The following CRTC3 variants were observed in gnomAD, a reference collection of about 807,000 sequenced individuals.
CRTC3 encodes CREB-regulated transcription coactivator 3.
A neutral mutation model predicts 74.5 loss-of-function variants in CRTC3; 26 were observed. That is an observed-to-expected ratio of 0.35 (90% CI 0.26 to 0.48). CRTC3 has a LOEUF of 0.48. Among genes scored for constraint, CRTC3 ranks in the 20% least tolerant of loss-of-function variants. CRTC3 has a pLI of 0.99. For missense variants in CRTC3, 760 were observed against 787.3 expected (o/e 0.97, Z 0.41); for synonymous variants, 377 against 325.8 (o/e 1.16, Z -1.69).
At chr15:90,625,685 C>G (rs1968808377) in intron 9 of CRTC3, 91 bp from the exon 10 acceptor site, 1 of 1,193,520 alleles carries the variant, frequency 8.4e-7, no homozygotes, top group African/African-American at 1.5e-5. Flanking sequence ...AGCCACTGCT[C>G]TTATTTGACA....
intron 2 of CRTC3, among the ~76,000 whole-genome samples, chr15:90,562,431 C>T (rs1249825978): frequency 6.6e-6 from 1 of 152,128 alleles, no homozygotes; most frequent in Non-Finnish European, 1.5e-5. Flanking sequence ...TTATCTTTCT[C>T]GGGCCTTTGC....
chr15:90,541,691 A>G (rs1966803738), intron 2 of CRTC3, among the ~76,000 whole-genome samples: 1 of 151,954 alleles, frequency 6.6e-6, no homozygotes, highest in African/African-American at 2.4e-5. Flanking sequence ...TTTATTGTCA[A>G]CTTTAGAGGA....
intron 11 of CRTC3, chr15:90,634,696 C>G: frequency 1.5e-6 from 1 of 656,274 alleles, no homozygotes; most frequent in Non-Finnish European, 2.8e-6. Flanking sequence ...TACACTAGAG[C>G]GGAGTATGAG....
intron 9 of CRTC3, among the ~76,000 whole-genome samples, chr15:90,620,626 C>T (rs1165333589): frequency 6.6e-6 from 1 of 152,062 alleles, no homozygotes; most frequent in Non-Finnish European, 1.5e-5. Flanking sequence ...CCCCTTGGAA[C>T]TCGATGGGCT....
At chr15:90,588,725 T>G (rs1037689134) in intron 2 of CRTC3, among the ~76,000 whole-genome samples, 2 of 152,128 alleles carry the variant, frequency 1.3e-5, no homozygotes, top group African/African-American at 4.8e-5. Flanking sequence ...CTCAGAATGC[T>G]GGGGCAGTCC....
intron 3 of CRTC3, chr15:90,598,962 C>G (rs1187249688): frequency 5.7e-6 from 1 of 174,568 alleles, no homozygotes; most frequent in Non-Finnish European, 1.2e-5. Context: ...CACACTCTGC[C>G]TGGTGCCCAG....
rs939323227 is a variant in CRTC3 at position 90,533,278 on chromosome 15, C to A, written c.132+3075C>A. ...AATTAGCCGGGCATGGTGGCGGGCG[C>A]CTGTAGTCCCAGCTACTCGGGAGGC... On this transcript the variant is annotated intron_variant, in intron 1 of 14. Transcript: ENST00000268184. Among the ~76,000 whole-genome samples, 9 of 150,908 alleles carry A rather than the reference C, an allele frequency of 6.0e-5. No homozygotes were observed. The East Asian group carries it at 1.6e-3, about 26-fold the overall frequency.
chr15:90,587,657 A>G (rs1458870603), intron 2 of CRTC3, among the ~76,000 whole-genome samples: 1 of 152,096 alleles, frequency 6.6e-6, no homozygotes, highest in Non-Finnish European at 1.5e-5. Flanking sequence ...TCTGTCACCC[A>G]GTCTGGAGTG....
Position 90,629,396 on chromosome 15 carries a change from C to T in CRTC3, c.1130C>T (p.Thr377Ile). Residue 377 changes from threonine (T) to isoleucine (I), a missense_variant, in exon 11 of 15, where the codon ACA (threonine) becomes ATA (isoleucine). Thr to Ile is a moderately conservative substitution (Grantham distance 89, BLOSUM62 -1). Coordinates refer to ENST00000268184, the MANE Select transcript of CRTC3 (RefSeq NM_022769.5). ...FSLSNPSLST[T>I]NLSGPSRRRQ... is the part of the protein sequence containing the mutation. The stretch of plus-strand genomic sequence containing the variant: ...CTTAGCAACCCATCTCTTTCCACCA[C>T]AAACCTGAGCGGCCCGTCTCGGCGT... The T allele has an allele frequency of 6.2e-7, 1 of 1,614,134 alleles. No individual in the cohort carries two copies. Among genetic ancestry groups the T allele is most frequent in the Non-Finnish European group, 8.5e-7 (1 of 1,180,028 alleles).
At chr15:90,634,068 A>C (rs1201393167) in intron 11 of CRTC3, among the ~76,000 whole-genome samples, 1 of 152,014 alleles carries the variant, frequency 6.6e-6, no homozygotes, top group African/African-American at 2.4e-5. Context: ...AAAGTAGAGA[A>C]CATAATACAA....
At chr15:90,592,499 T>C (rs141640137) in intron 2 of CRTC3, among the ~76,000 whole-genome samples, 25 of 152,344 alleles carry the variant, frequency 1.6e-4, no homozygotes, top group Admixed American at 5.2e-4. Context: ...GATTTGGCTT[T>C]TGACAACCAA....
chr15:90,598,466 G>T, intron 3 of CRTC3: 1 of 702,998 alleles, frequency 1.4e-6, no homozygotes, highest in Non-Finnish European at 2.6e-6. Context: ...AGGAACAGCA[G>T]TCCCTGTGTT....
chr15:90,641,276 A>AT (rs1969431895), intron 14 of CRTC3, 77 bp downstream of exon 14: 2 of 1,011,356 alleles, frequency 2.0e-6, no homozygotes, highest in Non-Finnish European at 3.1e-6. Context: ...GAGAGTTTAA[A>AT]CAACATAATA....
At position 90,579,634 on chromosome 15, in the gene CRTC3, C is replaced by CTTTT. The variant is rs146273285; in HGVS notation, c.232-13980_232-13977dup. ...GATTACATGGAGTAAACGTATTTCA[C>CTTTT]TTTTTTTTTTTTTTTTTTTTTTTTT... On this transcript the variant is annotated intron_variant, in intron 2 of 14. Transcript: ENST00000268184. Among the ~76,000 whole-genome samples the CTTTT allele has an allele frequency of 1.9e-3, 156 of 84,182 alleles. 11 individuals carry two copies. Among genetic ancestry groups the CTTTT allele is most frequent in the African/African-American group, 5.6e-3 (119 of 21,162 alleles). 55.2% of individuals were successfully genotyped at this position (84,182 alleles called of 152,430 possible). A position where few individuals can be genotyped will look rare whatever the true frequency, so the allele number is the denominator to read the frequency against.
At chr15:90,606,736 A>G (rs1355694663) in intron 5 of CRTC3, 2 of 152,224 alleles carry the variant, frequency 1.3e-5, no homozygotes, top group East Asian at 3.8e-4. Flanking sequence ...CTTTTTGAAA[A>G]GAAACACAAA....
intron 5 of CRTC3, among the ~76,000 whole-genome samples, chr15:90,605,047 G>A (rs1567181294): frequency 6.6e-6 from 1 of 152,042 alleles, no homozygotes; most frequent in Non-Finnish European, 1.5e-5. Context: ...GATCGTGTGA[G>A]TCCAGCAGTT....
chr15:90,536,107 G>C (rs1172225522), intron 1 of CRTC3, among the ~76,000 whole-genome samples: 1 of 152,130 alleles, frequency 6.6e-6, no homozygotes, highest in Non-Finnish European at 1.5e-5. Flanking sequence ...ATAAGTGTTG[G>C]TTTATTTTTA....
chr15:90,564,471 C>T (rs971862268), intron 2 of CRTC3, among the ~76,000 whole-genome samples: 1 of 152,198 alleles, frequency 6.6e-6, no homozygotes, highest in African/African-American at 2.4e-5. Flanking sequence ...AGACCCTCCT[C>T]TATTATTTTC....
chr15:90,623,612 T>C (rs1197423610), intron 9 of CRTC3, among the ~76,000 whole-genome samples: 1 of 152,022 alleles, frequency 6.6e-6, no homozygotes, highest in Non-Finnish European at 1.5e-5. Flanking sequence ...CATAGCGGCC[T>C]CTCCACCTCC....
Sources: allele counts gnomAD v4.1 joint callset (sites outside exome capture counted in the v4.1 genomes callset), GRCh38; gene constraint gnomAD v4.1.1; transcripts MANE v1.5; gene names NCBI Gene and HGNC (gene_info 2026-07-23, HGNC 2026-07-21).